Variants in MBD3 observed in about 807,000 individuals in gnomAD.
MBD3 encodes methyl-CpG-binding domain protein 3.
MBD3 carries 13 observed loss-of-function variants against 31.2 expected under a neutral mutation model. The observed-to-expected ratio is 0.42, with a 90% CI of 0.27 to 0.66. The LOEUF (loss-of-function observed/expected upper bound fraction) is 0.66. MBD3 is among the 30% of genes least tolerant of loss of function. The pLI, the probability that MBD3 is intolerant of heterozygous loss-of-function variation, is 0.26. For synonymous variants in MBD3, 223 were observed against 187.4 expected (o/e 1.19, Z -1.55); for missense variants, 440 against 426.5 (o/e 1.03, Z -0.28).
At chr19:1,590,059 G>C (rs1299150738) in intron 1 of MBD3, among the ~76,000 whole-genome samples, 3 of 152,208 alleles carry the variant, frequency 2.0e-5, no homozygotes, top group Non-Finnish European at 1.5e-5. Context: ...TGTAATCCCA[G>C]CACTTTGGGA....
At chr19:1,588,635 G>A (rs2060689799) in intron 1 of MBD3, among the ~76,000 whole-genome samples, 1 of 151,912 alleles carries the variant, frequency 6.6e-6, no homozygotes, top group Non-Finnish European at 1.5e-5. Flanking sequence ...CAAAAAATTG[G>A]CCGGGCACAG....
Position 1,578,375 on chromosome 19 carries a change from C to CGGG in MBD3, c.840_841insCCC (p.Glu280_Glu281insPro), listed in dbSNP as rs1568272994. The CGGG allele has an allele frequency of 7.2e-7, 1 of 1,379,608 alleles. No individual in the cohort carries two copies. Among genetic ancestry groups the CGGG allele is most frequent in the East Asian group, 2.8e-5 (1 of 35,514 alleles). 85.5% of individuals were successfully genotyped at this position (1,379,608 alleles called of 1,614,324 possible). On this transcript the variant is annotated inframe_insertion, in exon 6 of 7. Coordinates refer to ENST00000434436, the MANE Select transcript of MBD3 (RefSeq NM_001281453.2). This position sits in a 1 kb window ranked among gnomAD's most constrained non-coding sequence, Gnocchi z 6.1. Reference sequence around the variant, plus strand: ...TCCATCTCCGGGTCCGGGTCGGGCTCCTCCTCCTCCTCCTCCTCGTCTTCC... The same window carrying CGGG: ...TCCATCTCCGGGTCCGGGTCGGGCTCGGGCTCCTCCTCCTCCTCCTCGTCTTCC...
Position 1,578,454 on chromosome 19 carries a change from C to A in MBD3, c.762G>T (p.Leu254=), listed in dbSNP as rs778048266. 1 of 1,608,662 alleles carries A rather than the reference C, an allele frequency of 6.2e-7. No individual in the cohort carries two copies. The highest frequency in any genetic ancestry group is 1.7e-5 in the Admixed American group (1 of 60,006). ...CCAGCGGCGCCTCCCCGTCACGGGCCAGCTCCTCCACGTGCGCCAGCATGT... is the reference window on the plus strand; with the variant it reads ...CCAGCGGCGCCTCCCCGTCACGGGCAAGCTCCTCCACGTGCGCCAGCATGT... The part of the protein sequence containing the change: ...MADMLAHVEE[L]ARDGEAPLDK... The change falls in exon 6 of 7, where the codon CTG becomes CTT. Residue 254 remains leucine, a synonymous_variant. Coordinates refer to ENST00000434436, the MANE Select transcript of MBD3 (RefSeq NM_001281453.2). This position sits in a 1 kb window ranked among gnomAD's most constrained non-coding sequence, Gnocchi z 6.1.
intron 1 of MBD3, among the ~76,000 whole-genome samples, chr19:1,586,555 C>G (rs2060680078): frequency 6.6e-6 from 1 of 152,154 alleles, no homozygotes; most frequent in African/African-American, 2.4e-5. Flanking sequence ...CTTGCCCAGG[C>G]TGGAATGCAA....
chr19:1,589,165 C>T (rs558813274), intron 1 of MBD3, among the ~76,000 whole-genome samples: 1 of 151,378 alleles, frequency 6.6e-6, no homozygotes, highest in East Asian at 1.9e-4. Context: ...AACCCCATCT[C>T]GACTAAAAAT....
chr19:1,584,272 A>C (rs549653274), intron 3 of MBD3, among the ~76,000 whole-genome samples: 2 of 152,198 alleles, frequency 1.3e-5, no homozygotes, highest in East Asian at 3.9e-4. Flanking sequence ...GCTGGAGTGC[A>C]GTGGTGTGAT....
At chr19:1,591,502 G>A (rs1481253494) in intron 1 of MBD3, among the ~76,000 whole-genome samples, 4 of 152,102 alleles carry the variant, frequency 2.6e-5, no homozygotes, top group Non-Finnish European at 4.4e-5. Flanking sequence ...TCACCTGGGC[G>A]GTCTCCTGCC....
At chr19:1,586,964 G>A (rs1242503580) in intron 1 of MBD3, among the ~76,000 whole-genome samples, 2 of 149,780 alleles carry the variant, frequency 1.3e-5, no homozygotes, top group Non-Finnish European at 3.0e-5. Context: ...ACCGTGCCCG[G>A]CCTAATTTTT....
chr19:1,582,115 T>C (rs1345742735), intron 4 of MBD3, among the ~76,000 whole-genome samples: 1 of 152,136 alleles, frequency 6.6e-6, no homozygotes, highest in Non-Finnish European at 1.5e-5. Flanking sequence ...TTGTCCAAGC[T>C]GGTCTTAAAC....
chr19:1,577,998 G>A lies in MBD3; in HGVS notation c.*166C>T, dbSNP rs538946722. ...GGGCAGCCCCAGCTGTGTGCCCCGA[G>A]GCCCCGGGAAGTGGGGACGGGCCGA... On this transcript the variant is annotated 3_prime_UTR_variant, in exon 7 of 7. Transcript: ENST00000434436. The A allele has an allele frequency of 9.1e-6, 4 of 440,974 alleles. No individual in the cohort carries two copies. Among genetic ancestry groups the A allele is most frequent in the South Asian group, 4.6e-5 (2 of 43,516 alleles). 27.3% of individuals were successfully genotyped at this position (440,974 alleles called of 1,614,324 possible).
intron 1 of MBD3, among the ~76,000 whole-genome samples, chr19:1,587,782 A>C (rs1370493552): frequency 6.6e-6 from 1 of 152,180 alleles, no homozygotes; most frequent in Non-Finnish European, 1.5e-5. Flanking sequence ...CAGGTACCTC[A>C]AACATATTAT....
intron 1 of MBD3, among the ~76,000 whole-genome samples, chr19:1,591,086 G>T (rs886955471): frequency 1.3e-5 from 2 of 152,190 alleles, no homozygotes; most frequent in Non-Finnish European, 2.9e-5. Flanking sequence ...ACCTCTTAGG[G>T]GGTTCCTGCT....
chr19:1,581,909 A>AGGC (rs1267860091), intron 4 of MBD3, among the ~76,000 whole-genome samples: 1 of 151,868 alleles, frequency 6.6e-6, no homozygotes. Context: ...CTGAGACTAC[A>AGGC]GGCGGCCGCC....
intron 3 of MBD3, among the ~76,000 whole-genome samples, chr19:1,584,296 A>C (rs946604594): frequency 1.9e-4 from 29 of 151,982 alleles, no homozygotes; most frequent in Non-Finnish European, 3.7e-4. Context: ...AGCTCACTGC[A>C]GCCTCAGCCT....
chr19:1,575,381 CAAGAGCGAAAG>C lies in MBD3; in HGVS notation c.*2772_*2782del, dbSNP rs1471250236. 5 of 348,036 alleles carry C rather than the reference CAAGAGCGAAAG, an allele frequency of 1.4e-5. No individual in the cohort carries two copies. The highest frequency in any genetic ancestry group is 2.3e-5 in the Non-Finnish European group (4 of 171,368). 21.6% of individuals were successfully genotyped at this position (348,036 alleles called of 1,614,324 possible). ...CGCCACTGCACTCCAGCCTGTGCAA[CAAGAGCGAAAG>C]AAGAGCGAAACTCTTGTCTAAAAAA... On this transcript the variant is annotated 3_prime_UTR_variant, in exon 7 of 7. Coordinates refer to ENST00000434436, the MANE Select transcript of MBD3 (RefSeq NM_001281453.2).
rs2060709369 is a variant in MBD3, at chr19:1,592,441, C to T, written c.110+81G>A. ...CACGCGCGGGGCCCAGGCCGCGGCC[C>T]GGGGCAGGGGCGCCGAGGCCGCCGC... On this transcript the variant is annotated intron_variant, in intron 1 of 6. Transcript: ENST00000434436. 12 of 519,390 alleles carry T rather than the reference C, an allele frequency of 2.3e-5. 1 individual carries two copies. In the Admixed American group the frequency reaches 6.6e-4, roughly 28 times the overall value. 32.2% of individuals were successfully genotyped at this position (519,390 alleles called of 1,614,324 possible).
At chr19:1,579,169 G>T (rs560434365) in intron 5 of MBD3, among the ~76,000 whole-genome samples, 15 of 105,858 alleles carry the variant, frequency 1.4e-4, no homozygotes, top group African/African-American at 4.5e-4. Context: ...GGGCAACAGA[G>T]CCAGATTCTG....
At chr19:1,583,845 C>G (rs1408109767) in intron 3 of MBD3, among the ~76,000 whole-genome samples, 1 of 152,040 alleles carries the variant, frequency 6.6e-6, no homozygotes, top group African/African-American at 2.4e-5. Flanking sequence ...TTTTTGAGAC[C>G]GGGTCTCGCT....
rs1375023353 is a variant in MBD3 at position 1,582,689 on chromosome 19, G to A, written c.432C>T (p.Ser144=). 1.2e-5 allele frequency: 19 copies of A among 1,613,764 alleles called. No homozygotes were observed. Among genetic ancestry groups the A allele is most frequent in the East Asian group, 2.2e-5 (1 of 44,884 alleles). The change falls in exon 4 of 7, where the codon AGC becomes AGT. Residue 144 remains serine, a synonymous_variant. Coordinates refer to ENST00000434436, the MANE Select transcript of MBD3 (RefSeq NM_001281453.2). ...CAGCAATGTCGAAGGCGTTCAGGCC[G>A]CTCAGCTTCTTCTCCCAGAAGAGCT... is the stretch of plus-strand genomic sequence containing the variant. The part of the protein sequence containing the change: ...PRQLFWEKKL[S]GLNAFDIAEE...
Sources: allele counts gnomAD v4.1 joint callset (sites outside exome capture counted in the v4.1 genomes callset), GRCh38; gene constraint gnomAD v4.1.1; non-coding constraint Gnocchi (gnomAD v3.1); transcripts MANE v1.5; gene names NCBI Gene and HGNC (gene_info 2026-07-23, HGNC 2026-07-21).